RORB: variants seen among roughly 807,000 people sequenced by gnomAD.
RORB encodes nuclear receptor ROR-beta.
A neutral mutation model predicts 59.1 loss-of-function variants in RORB; 6 were observed. The ratio of observed to expected loss-of-function variants is 0.10; its 90% confidence interval spans 0.06 to 0.20. The LOEUF is 0.20. RORB is among the 10% of genes least tolerant of loss of function. RORB has a pLI of 1.00. For synonymous variants in RORB, 215 were observed against 204.5 expected (o/e 1.05, Z -0.44); for missense variants, 320 against 560.5 (o/e 0.57, Z 4.33).
chr9:74,666,403 G>T (rs886848243), intron 7 of RORB, among the ~76,000 whole-genome samples: 3 of 151,908 alleles, frequency 2.0e-5, no homozygotes, highest in Admixed American at 6.6e-5. Context: ...TGAGGCTACA[G>T]TGAGTCATCT....
At chr9:74,563,089 C>T (rs1463468493) in intron 1 of RORB, among the ~76,000 whole-genome samples, 1 of 152,084 alleles carries the variant, frequency 6.6e-6, no homozygotes, top group African/African-American at 2.4e-5. Flanking sequence ...ATTTCACCTA[C>T]TTTCCCAATA....
intron 1 of RORB, among the ~76,000 whole-genome samples, chr9:74,552,063 G>A (rs994816180): frequency 1.3e-5 from 2 of 152,180 alleles, no homozygotes; most frequent in African/African-American, 4.8e-5. Context: ...ATGCTGGGGG[G>A]CCGTCAGGTG....
intron 1 of RORB, among the ~76,000 whole-genome samples, chr9:74,627,315 A>C (rs949495930): frequency 6.6e-6 from 1 of 152,216 alleles, no homozygotes; most frequent in South Asian, 2.1e-4. Flanking sequence ...GCAATAAGTT[A>C]AAATGGTCAC....
intron 1 of RORB, among the ~76,000 whole-genome samples, chr9:74,584,008 A>G (rs549929369): frequency 2.0e-5 from 3 of 152,340 alleles, no homozygotes; most frequent in Admixed American, 2.0e-4. Flanking sequence ...TCTGTGAGAT[A>G]ACATTTCAGA....
At chr9:74,677,517 A>G (rs1238621571) in intron 9 of RORB, among the ~76,000 whole-genome samples, 1 of 152,226 alleles carries the variant, frequency 6.6e-6, no homozygotes, top group Non-Finnish European at 1.5e-5. Flanking sequence ...AACTGTGTGT[A>G]ATGTGGCTGC....
intron 4 of RORB, among the ~76,000 whole-genome samples, chr9:74,653,783 G>C (rs1824034345): frequency 7.4e-6 from 1 of 135,300 alleles, no homozygotes; most frequent in Non-Finnish European, 1.6e-5. Flanking sequence ...GTAGCCTTTG[G>C]AGAGCGCCAT....
intron 9 of RORB, among the ~76,000 whole-genome samples, chr9:74,684,826 C>G (rs1824612978): frequency 6.6e-6 from 1 of 152,170 alleles, no homozygotes; most frequent in Non-Finnish European, 1.5e-5. Flanking sequence ...GCTTGATAGC[C>G]AAGCAGTCCA....
intron 6 of RORB, among the ~76,000 whole-genome samples, chr9:74,663,131 T>G (rs1445275875): frequency 6.6e-6 from 1 of 152,030 alleles, no homozygotes; most frequent in African/African-American, 2.4e-5. Context: ...CTCAAGAAAC[T>G]CTGCATATGA....
At chr9:74,517,013 C>A (rs1398397888) in intron 1 of RORB, among the ~76,000 whole-genome samples, 2 of 151,782 alleles carry the variant, frequency 1.3e-5, no homozygotes, top group African/African-American at 4.8e-5. Context: ...TCAATGGGAG[C>A]TAATTAATAT....
intron 1 of RORB, among the ~76,000 whole-genome samples, chr9:74,507,030 G>A (rs1825879626): frequency 6.6e-6 from 1 of 152,022 alleles, no homozygotes; most frequent in Admixed American, 6.6e-5. Context: ...TGATTAAACA[G>A]CTATTTAATA....
At chr9:74,595,155 C>T (rs1822952768) in intron 1 of RORB, among the ~76,000 whole-genome samples, 1 of 152,172 alleles carries the variant, frequency 6.6e-6, no homozygotes, top group African/African-American at 2.4e-5. Context: ...AGGTTATCTT[C>T]CTATTCAGAA....
intron 1 of RORB, among the ~76,000 whole-genome samples, chr9:74,566,752 G>C (rs1308101184): frequency 2.0e-5 from 3 of 152,154 alleles, no homozygotes; most frequent in Non-Finnish European, 4.4e-5. Context: ...AGCTGAGATG[G>C]TGCCACTGCG....
At chr9:74,592,914 G>A (rs929545061) in intron 1 of RORB, among the ~76,000 whole-genome samples, 5 of 151,920 alleles carry the variant, frequency 3.3e-5, no homozygotes, top group African/African-American at 9.7e-5. Flanking sequence ...GGAGAGCTAG[G>A]GGAAGCTGTC....
At chr9:74,643,520 C>G (rs1823844904) in intron 4 of RORB, among the ~76,000 whole-genome samples, 1 of 152,214 alleles carries the variant, frequency 6.6e-6, no homozygotes. Context: ...TCTCTTCTGA[C>G]CCACTGCAAC....
At chr9:74,563,742 G>A (rs922471793) in intron 1 of RORB, among the ~76,000 whole-genome samples, 1 of 152,196 alleles carries the variant, frequency 6.6e-6, no homozygotes, top group African/African-American at 2.4e-5. Context: ...AAAGGAAGTG[G>A]CTACAACTCT....
At chr9:74,632,888 A>C (rs1823642133) in intron 2 of RORB, among the ~76,000 whole-genome samples, 1 of 152,168 alleles carries the variant, frequency 6.6e-6, no homozygotes, top group Non-Finnish European at 1.5e-5. Context: ...CCATTCTAAG[A>C]TGCTCCATGA....
chr9:74,617,937 T>C (rs1823340025), intron 1 of RORB, among the ~76,000 whole-genome samples: 1 of 152,196 alleles, frequency 6.6e-6, no homozygotes, highest in Non-Finnish European at 1.5e-5. Context: ...AAATTATCTC[T>C]TTAATTCTAT....
At chr9:74,564,808 G>T (rs1254313748) in intron 1 of RORB, among the ~76,000 whole-genome samples, 1 of 152,222 alleles carries the variant, frequency 6.6e-6, no homozygotes, top group Non-Finnish European at 1.5e-5. Flanking sequence ...GACAGGTTGA[G>T]ATTTAATGGG....
chr9:74,501,947 G>T (rs1825810120), intron 1 of RORB, among the ~76,000 whole-genome samples: 1 of 152,026 alleles, frequency 6.6e-6, no homozygotes, highest in Non-Finnish European at 1.5e-5. Context: ...ACTAATCTTT[G>T]GATTTTCCAT....
Sources: allele counts gnomAD v4.1 joint callset (sites outside exome capture counted in the v4.1 genomes callset), GRCh38; gene constraint gnomAD v4.1.1; transcripts MANE v1.5; gene names NCBI Gene and HGNC (gene_info 2026-07-23, HGNC 2026-07-21).